The following SKOR2 variants were observed in gnomAD, a reference collection of about 807,000 sequenced individuals.
The protein encoded by SKOR2 is LBX1 corepressor 1-like protein.
In SKOR2, 47 loss-of-function variants were observed where a neutral mutation model predicts 69.1. That is an observed-to-expected ratio of 0.68 (90% CI 0.54 to 0.87). SKOR2 has a LOEUF of 0.87. Ranked by LOEUF, SKOR2 falls within the 40% of genes least tolerant of loss-of-function variation. The pLI, the probability that SKOR2 is intolerant of heterozygous loss-of-function variation, is 0.00. For synonymous variants in SKOR2, 717 were observed against 672.6 expected (o/e 1.07, Z -1.02); for missense variants, 1,404 against 1,472.2 (o/e 0.95, Z 0.76).
intron 6 of SKOR2, among the ~76,000 whole-genome samples, chr18:47,228,539 T>C (rs1208161096): frequency 6.6e-6 from 1 of 152,234 alleles, no homozygotes; most frequent in African/African-American, 2.4e-5. Context: ...GGATGAATTA[T>C]GACTACAGAG....
intron 2 of SKOR2, among the ~76,000 whole-genome samples, chr18:47,245,918 C>T (rs900005241): frequency 1.3e-5 from 2 of 152,074 alleles, no homozygotes; most frequent in Non-Finnish European, 2.9e-5. Context: ...TCTGTGCACA[C>T]GTGAGTGAAC....
At chr18:47,236,291 C>T (rs1763397867) in intron 4 of SKOR2, among the ~76,000 whole-genome samples, 1 of 152,208 alleles carries the variant, frequency 6.6e-6, no homozygotes, top group Non-Finnish European at 1.5e-5. Flanking sequence ...GCACCTGGCC[C>T]ATCCTGTGTT....
At chr18:47,224,839 CA>C (rs1261459462) in intron 6 of SKOR2, among the ~76,000 whole-genome samples, 4 of 152,170 alleles carry the variant, frequency 2.6e-5, no homozygotes, top group African/African-American at 9.6e-5. Flanking sequence ...AGGCTGATCT[CA>C]AACTTCTGGG....
At chr18:47,227,316 C>A (rs926002714) in intron 6 of SKOR2, among the ~76,000 whole-genome samples, 1 of 145,326 alleles carries the variant, frequency 6.9e-6, no homozygotes, top group Non-Finnish European at 1.5e-5. Flanking sequence ...GGAACCACGA[C>A]AAGAAGCCAA....
rs1483615383 is a variant in SKOR2, at chr18:47,245,518, T to C, written c.2657A>G (p.Lys886Arg). 2.8e-6 allele frequency: 4 copies of C among 1,420,030 alleles called. No individual in the cohort carries two copies. In the African/African-American group the frequency reaches 5.4e-5, roughly 19 times the overall value. The allele number at this position is 1,420,030 out of a possible 1,614,324, so 88.0% of individuals were successfully genotyped here. ...KENNQVIVST[K>R]DDNSFSDKNK... The stretch of plus-strand genomic sequence containing the variant: ...TTTACCTGAAAAGCTGTTGTCATCC[T>C]TTGTAGATACAATTACTTGGTTATT... The change falls in exon 3 of 9, where the codon AAG (lysine) becomes AGG (arginine). Residue 886 changes from lysine (K) to arginine (R), a missense_variant. Physicochemically the swap from Lys to Arg is conservative, Grantham distance 26. Coordinates refer to ENST00000425639, the MANE Select transcript of SKOR2 (RefSeq NM_001278063.4).
chr18:47,210,382 C>T (rs1353094900), intron 8 of SKOR2, among the ~76,000 whole-genome samples: 3 of 152,072 alleles, frequency 2.0e-5, no homozygotes, highest in Non-Finnish European at 2.9e-5. Flanking sequence ...GTGCAATTCA[C>T]TGAGTTTTGA....
intron 6 of SKOR2, among the ~76,000 whole-genome samples, chr18:47,222,617 G>C (rs2064165223): frequency 6.6e-6 from 1 of 152,222 alleles, no homozygotes; most frequent in Admixed American, 6.5e-5. Context: ...TGTGGTTCCA[G>C]ACACTGGAGC....
chr18:47,230,419 C>G (rs1372097277), intron 6 of SKOR2, 40 bp downstream of exon 6: 1 of 1,178,428 alleles, frequency 8.5e-7, no homozygotes, highest in Non-Finnish European at 1.1e-6. Flanking sequence ...GAAACGTAAT[C>G]AATTATCATA....
intron 4 of SKOR2, among the ~76,000 whole-genome samples, chr18:47,242,211 C>T (rs924984882): frequency 6.6e-6 from 1 of 151,982 alleles, no homozygotes; most frequent in Non-Finnish European, 1.5e-5. Flanking sequence ...TTTCAAATTC[C>T]ATCCAAATCA....
At chr18:47,218,596 A>AAAAAAAAC (rs2064151450) in intron 7 of SKOR2, among the ~76,000 whole-genome samples, 1 of 151,592 alleles carries the variant, frequency 6.6e-6, no homozygotes, top group African/African-American at 2.4e-5. Flanking sequence ...TCTCAAAAAA[A>AAAAAAAAC]AAAAAAAAAA....
intron 4 of SKOR2, among the ~76,000 whole-genome samples, chr18:47,235,898 C>T (rs2064221217): frequency 6.6e-6 from 1 of 152,020 alleles, no homozygotes; most frequent in African/African-American, 2.4e-5. Context: ...CCTGCAATGG[C>T]TCCCTATGGT....
Position 47,219,533 on chromosome 18 carries a change from C to T in SKOR2, c.2985+410G>A, listed in dbSNP as rs116528994. 2.9e-3 allele frequency among the ~76,000 whole-genome samples: 439 copies of T among 152,038 alleles called. 2 individuals are homozygous for T. Among genetic ancestry groups the T allele is most frequent in the African/African-American group, 0.01 (431 of 41,460 alleles). On this transcript the variant is annotated intron_variant, in intron 7 of 8. Transcript: ENST00000425639. ...AAGTGAATTTAGTTGATTAATTGTG[C>T]TCATTAATTGTGTTTTATTGGTAGT...
At position 47,247,375 on chromosome 18, in the gene SKOR2, G is replaced by C. The variant is rs1208076014; in HGVS notation, c.1809C>G (p.His603Gln). ...TGCGCCCCTCCAGAAGGTGCGGATGGTGGGGCGCCGGAACCCGGGAGCCCG... is the reference window on the plus strand; with the variant it reads ...TGCGCCCCTCCAGAAGGTGCGGATGCTGGGGCGCCGGAACCCGGGAGCCCG... Reference protein sequence around the residue: ...GPAGSRVPAPHHPHLLEGRKA... With the variant: ...GPAGSRVPAPQHPHLLEGRKA... Residue 603 changes from histidine to glutamine, a missense_variant, in exon 2 of 9, where the codon CAC becomes CAG. Physicochemically the swap from His to Gln is conservative, Grantham distance 24 (BLOSUM62 0). Around this residue, in one of 3 missense-constraint regions of SKOR2, gnomAD observed 1,266 missense variants for 1,309.9 expected, o/e 0.97. Transcript: ENST00000425639. This position sits in a 1 kb window ranked among gnomAD's most constrained non-coding sequence, Gnocchi z 6.6. The C allele has an allele frequency of 1.4e-6, 2 of 1,414,954 alleles. No homozygotes were observed. The highest frequency in any genetic ancestry group is 6.1e-5 in the East Asian group (2 of 32,550). 87.6% of individuals were successfully genotyped at this position (1,414,954 alleles called of 1,614,324 possible).
chr18:47,236,461 AT>A (rs2064224121), intron 4 of SKOR2, among the ~76,000 whole-genome samples: 1 of 152,140 alleles, frequency 6.6e-6, no homozygotes, highest in South Asian at 2.1e-4. Flanking sequence ...TGTCCCCCTT[AT>A]CCCCAAATTA....
At chr18:47,250,724 A>G (rs537388671) in intron 1 of SKOR2, among the ~76,000 whole-genome samples, 5 of 152,296 alleles carry the variant, frequency 3.3e-5, no homozygotes, top group African/African-American at 1.2e-4. Flanking sequence ...AAGCTTGAAC[A>G]AACCTCGACG....
Position 47,247,410 on chromosome 18 carries a change from ACCCGGCGGCCGCGGCCCCTGC to A in SKOR2, c.1753_1773del (p.Ala585_Gly591del). 1 of 1,312,756 alleles carries A rather than the reference ACCCGGCGGCCGCGGCCCCTGC, an allele frequency of 7.6e-7. No individual in the cohort carries two copies. Among genetic ancestry groups the A allele is most frequent in the Admixed American group, 4.1e-5 (1 of 24,684 alleles). The allele number at this position is 1,312,756 out of a possible 1,614,324, so 81.3% of individuals were successfully genotyped here. On this transcript the variant is annotated inframe_deletion, in exon 2 of 9. Transcript: ENST00000425639. The surrounding 1 kb of genome is among the most constrained non-coding windows in gnomAD (Gnocchi z 6.6). ...GGAACCCGGGAGCCCGCGGGGCCAG[ACCCGGCGGCCGCGGCCCCTGC>A]CCCGGCAGCTGCCACAGAGTCCGCG...
chr18:47,217,581 A>T (rs2064147975), intron 7 of SKOR2, among the ~76,000 whole-genome samples: 1 of 152,186 alleles, frequency 6.6e-6, no homozygotes, highest in Non-Finnish European at 1.5e-5. Flanking sequence ...AATTAAGAGG[A>T]CTGCTATATG....
rs1014489326 is a variant in SKOR2, at chr18:47,248,218, G to A, written c.966C>T (p.Ala322=). 3.3e-5 allele frequency: 41 copies of A among 1,230,604 alleles called. No individual in the cohort carries two copies. The African/African-American group carries it at 5.3e-4, about 16-fold the overall frequency. The allele number at this position is 1,230,604 out of a possible 1,614,324, so 76.2% of individuals were successfully genotyped here. A position where few individuals can be genotyped will look rare whatever the true frequency, so the allele number is the denominator to read the frequency against. The change falls in exon 2 of 9, where the codon GCC becomes GCT. Residue 322 remains alanine (A), a synonymous_variant. Coordinates refer to ENST00000425639, the MANE Select transcript of SKOR2 (RefSeq NM_001278063.4). This position sits in a 1 kb window ranked among gnomAD's most constrained non-coding sequence, Gnocchi z 6.4. The part of the protein sequence containing the change: ...DDDDDSLQEA[A]VVAAASLSAA... ...CCGAGAGGCTGGCGGCGGCCACTAC[G>A]GCGGCCTCCTGCAAGGAGTCGTCGT...
rs938054183 is a variant in SKOR2 at position 47,213,757 on chromosome 18, G to A, written c.2986-1606C>T. ...ATTAAAAGTTCAGTGTCCTAATCTC[G>A]TATTTTAGGATGCAGGCTGAGATCA... On this transcript the variant is annotated intron_variant, in intron 7 of 8. Coordinates refer to ENST00000425639, the MANE Select transcript of SKOR2 (RefSeq NM_001278063.4). 2.7e-4 allele frequency among the ~76,000 whole-genome samples: 41 copies of A among 152,016 alleles called. No homozygotes were observed. The East Asian group carries it at 3.5e-3, about 13-fold the overall frequency.
Sources: gnomAD v4.1 joint callset for allele counts (sites outside exome capture counted in the v4.1 genomes callset) on GRCh38, gnomAD v4.1.1 for gene constraint, gnomAD v4.1.1 regional missense constraint, Gnocchi (gnomAD v3.1) non-coding constraint, MANE v1.5 for transcripts, NCBI Gene and HGNC (gene_info 2026-07-23, HGNC 2026-07-21) for gene names.